Variants in LRP6 observed in about 807,000 individuals in gnomAD.
LRP6 encodes LDL receptor related protein 6.
LRP6 carries 43 observed loss-of-function variants against 184.1 expected under a neutral mutation model. The ratio of observed to expected loss-of-function variants is 0.23; its 90% CI spans 0.18 to 0.30. The LOEUF (loss-of-function observed/expected upper bound fraction) is 0.30. LRP6 is among the 10% of genes least tolerant of loss of function. The pLI is 1.00. For missense variants in LRP6, 1,571 were observed against 2,005.3 expected (o/e 0.78, Z 4.14); for synonymous variants, 719 against 684.9 (o/e 1.05, Z -0.78).
chr12:12,183,253 C>G (rs1262801623), intron 5 of LRP6, among the ~76,000 whole-genome samples: 3 of 152,178 alleles, frequency 2.0e-5, no homozygotes, highest in African/African-American at 7.2e-5. Context: ...CAACAATTTT[C>G]TTACCAGGTC....
intron 7 of LRP6, among the ~76,000 whole-genome samples, chr12:12,167,504 G>A (rs561890824): frequency 4.6e-5 from 7 of 151,958 alleles, no homozygotes; most frequent in South Asian, 2.1e-4. Context: ...TTTGCTGGGC[G>A]TGGTGGCGCA....
chr12:12,150,148 C>A (rs1042494128), intron 13 of LRP6, among the ~76,000 whole-genome samples: 1 of 152,120 alleles, frequency 6.6e-6, no homozygotes, highest in African/African-American at 2.4e-5. Context: ...TAATCCCAGT[C>A]TGACAGGGCT....
rs755201507 is a variant in LRP6, at chr12:12,244,420, G to A, written c.291C>T (p.Pro97=). ...CAAGCCAATCACATGCCAGCCCATC[G>A]GGGGACAATAATCCAGAAACAACAA... ...QNVVVSGLLS[P]DGLACDWLGE... is the part of the protein sequence containing the mutation. The change falls in exon 2 of 23, where the codon CCC becomes CCT. Residue 97 remains proline, a synonymous_variant. Transcript: ENST00000261349. The A allele has an allele frequency of 8.1e-6, 13 of 1,613,982 alleles. No individual in the cohort carries two copies. The highest frequency in any genetic ancestry group is 3.3e-5 in the Admixed American group (2 of 59,982).
chr12:12,155,867 CGTAT>C, intron 12 of LRP6: 1 of 611,920 alleles, frequency 1.6e-6, no homozygotes, highest in South Asian at 1.9e-5. Flanking sequence ...GGTAAAACAG[CGTAT>C]GTGTTTTTCC....
intron 1 of LRP6, among the ~76,000 whole-genome samples, chr12:12,245,236 G>A (rs544576838): frequency 1.3e-5 from 2 of 152,288 alleles, no homozygotes; most frequent in Admixed American, 6.5e-5. Context: ...CTGTGATACT[G>A]CCATACAACA....
At position 12,155,169 on chromosome 12, in the gene LRP6, C is replaced by T. The variant is rs1950133443; in HGVS notation, c.2791+3660G>A. The stretch of plus-strand genomic sequence containing the variant: ...CAAGATCACGCCACTTTACTCCAGC[C>T]TGGGTGACAGTGTGAGACTCTGTCT... On this transcript the variant is annotated intron_variant, in intron 12 of 22. Coordinates refer to ENST00000261349, the MANE Select transcript of LRP6 (RefSeq NM_002336.3). 3 of 510,182 alleles carry T rather than the reference C, an allele frequency of 5.9e-6. No individual in the cohort carries two copies. The Admixed American group carries it at 7.5e-5, about 13-fold the overall frequency. 31.6% of individuals were successfully genotyped at this position (510,182 alleles called of 1,614,324 possible). A position where few individuals can be genotyped will look rare whatever the true frequency, so the allele number is the denominator to read the frequency against.
intron 7 of LRP6, among the ~76,000 whole-genome samples, chr12:12,176,048 G>A (rs956922396): frequency 6.0e-5 from 9 of 150,234 alleles, no homozygotes; most frequent in South Asian, 2.1e-4. Context: ...AAGGAATGCT[G>A]TTAAGAAACA....
chr12:12,156,569 C>T (rs1012157956), intron 12 of LRP6, among the ~76,000 whole-genome samples: 1 of 152,218 alleles, frequency 6.6e-6, no homozygotes, highest in African/African-American at 2.4e-5. Context: ...ATATATGTCA[C>T]TATCGTTTCC....
intron 2 of LRP6, among the ~76,000 whole-genome samples, chr12:12,221,617 G>C (rs188500798): frequency 1.3e-5 from 2 of 152,278 alleles, no homozygotes; most frequent in Admixed American, 6.5e-5. Flanking sequence ...TCGAACTCAG[G>C]AATCAATATT....
At chr12:12,138,226 A>G in intron 16 of LRP6, 99 bp downstream of exon 16, 1 of 1,178,598 alleles carries the variant, frequency 8.5e-7, no homozygotes, top group Non-Finnish European at 1.3e-6. Context: ...AAGTGCATGA[A>G]AGTCTTCAAG....
Position 12,201,637 on chromosome 12 carries a change from T to C in LRP6, c.647+1566A>G, listed in dbSNP as rs74329261. On this transcript the variant is annotated intron_variant, in intron 3 of 22. Coordinates refer to ENST00000261349, the MANE Select transcript of LRP6 (RefSeq NM_002336.3). ...AAATGACTAAGGCTATAGTCAACTT[T>C]ATCCATGTTTTTGGATTTGCTATCT... Among the ~76,000 whole-genome samples the C allele has an allele frequency of 2.1e-3, 323 of 152,348 alleles. 2 individuals carry two copies. The highest frequency in any genetic ancestry group is 7.6e-3 in the African/African-American group (314 of 41,580).
Position 12,117,374 on chromosome 12 carries a change from T to C in LRP6, c.*3752A>G, listed in dbSNP as rs1053117022. 6 of 152,238 alleles carry C rather than the reference T, an allele frequency of 3.9e-5. No homozygotes were observed. Among genetic ancestry groups the C allele is most frequent in the African/African-American group, 1.4e-4 (6 of 41,464 alleles). The allele number at this position is 152,238 out of a possible 1,614,324, so 9.4% of individuals were successfully genotyped here. ...TACTCTAAATCAACTATGGATGCCA[T>C]ATGTAGACTTAAGCACCACACATTT... On this transcript the variant is annotated 3_prime_UTR_variant, in exon 23 of 23. Transcript: ENST00000261349.
chr12:12,205,547 C>A (rs1864036251), intron 2 of LRP6, among the ~76,000 whole-genome samples: 1 of 152,062 alleles, frequency 6.6e-6, no homozygotes, highest in Non-Finnish European at 1.5e-5. Flanking sequence ...AGGAGAATAT[C>A]ATGTAGGGGA....
At position 12,165,171 on chromosome 12, in the gene LRP6, C is replaced by G. The variant is rs1862847262; in HGVS notation, c.1670G>C (p.Arg557Thr). The stretch of plus-strand genomic sequence containing the variant: ...CCTCTCTGCACTTCGTTTATGAACT[C>G]TTTCAATGCTACGCCTCTGCCAGTC... Reference protein sequence around the residue: ...WTDWQRRSIERVHKRSAEREV... With the variant: ...WTDWQRRSIETVHKRSAEREV... Residue 557 changes from arginine (R) to threonine (T), a missense_variant, in exon 8 of 23, where the codon AGA becomes ACA. Coordinates refer to ENST00000261349, the MANE Select transcript of LRP6 (RefSeq NM_002336.3). 1 of 1,613,938 alleles carries G rather than the reference C, an allele frequency of 6.2e-7. No individual in the cohort carries two copies. Among genetic ancestry groups the G allele is most frequent in the Non-Finnish European group, 8.5e-7 (1 of 1,179,980 alleles).
At position 12,146,463 on chromosome 12, in the gene LRP6, T is replaced by C. The variant is rs143342577; in HGVS notation, c.3397+903A>G. Among the ~76,000 whole-genome samples the C allele has an allele frequency of 5.9e-5, 9 of 152,302 alleles. No individual in the cohort carries two copies. The East Asian group carries it at 9.6e-4, about 16-fold the overall frequency. ...ACTAGGGAGGCCAACACAGACTATATGGACATCAGAAATTGGGGACAGAGG... is the reference window on the plus strand; with the variant it reads ...ACTAGGGAGGCCAACACAGACTATACGGACATCAGAAATTGGGGACAGAGG... On this transcript the variant is annotated intron_variant, in intron 15 of 22. Coordinates refer to ENST00000261349, the MANE Select transcript of LRP6 (RefSeq NM_002336.3).
chr12:12,253,568 TC>T (rs1334954505), intron 1 of LRP6, among the ~76,000 whole-genome samples: 3 of 94,244 alleles, frequency 3.2e-5, no homozygotes, highest in Non-Finnish European at 4.3e-5. Flanking sequence ...ATGCTACCCC[TC>T]CCCCCTCCCC....
chr12:12,182,898 T>C (rs892508170), intron 5 of LRP6, among the ~76,000 whole-genome samples: 2 of 152,232 alleles, frequency 1.3e-5, no homozygotes, highest in Admixed American at 6.5e-5. Context: ...GTTAAATATG[T>C]ACACTTGCAC....
rs1949577451 is a variant in LRP6 at position 12,119,993 on chromosome 12, ATATATATATATATATATATATATATATAT to A, written c.*1104_*1132del. ...CAGAAAACAAACAAACAAACAAAAT[ATATATATATATATATATATATATATATAT>A]ATATATATATATATATATATAAATG... is the stretch of plus-strand genomic sequence containing the variant. On this transcript the variant is annotated 3_prime_UTR_variant, in exon 23 of 23. Transcript: ENST00000261349. 1 of 12,578 alleles carries A rather than the reference ATATATATATATATATATATATATATATAT, an allele frequency of 8.0e-5. No individual in the cohort carries two copies. Among genetic ancestry groups the A allele is most frequent in the Non-Finnish European group, 1.7e-4 (1 of 5,902 alleles). 0.8% of individuals were successfully genotyped at this position (12,578 alleles called of 1,614,324 possible).
Position 12,244,542 on chromosome 12 carries a change from C to A in LRP6, c.169G>T (p.Asp57Tyr). ...VGGLEDAAAV[D>Y]FVFSHGLIYW... ...ATCAAGCCATGACTAAACACAAAGTCCACCGCAGCTGCATCCTCCAAGCCT... is the reference window on the plus strand; with the variant it reads ...ATCAAGCCATGACTAAACACAAAGTACACCGCAGCTGCATCCTCCAAGCCT... The change falls in exon 2 of 23, where the codon GAC (aspartate) becomes TAC (tyrosine). Residue 57 changes from aspartate (D) to tyrosine (Y), a missense_variant. This residue lies in a region of LRP6 where 640 missense variants were observed against 851.9 expected (regional missense o/e 0.75). Coordinates refer to ENST00000261349, the MANE Select transcript of LRP6 (RefSeq NM_002336.3). 6.2e-7 allele frequency: 1 copy of A among 1,614,194 alleles called. No individual in the cohort carries two copies. Among genetic ancestry groups the A allele is most frequent in the Non-Finnish European group, 8.5e-7 (1 of 1,180,042 alleles).
Sources: gnomAD v4.1 joint callset for allele counts (sites outside exome capture counted in the v4.1 genomes callset) on GRCh38, gnomAD v4.1.1 for gene constraint, gnomAD v4.1.1 regional missense constraint, MANE v1.5 for transcripts, NCBI Gene and HGNC (gene_info 2026-07-23, HGNC 2026-07-21) for gene names.